TENM1: variants seen among roughly 807,000 people sequenced by gnomAD.
TENM1 encodes teneurin transmembrane protein 1.
In TENM1, 35 loss-of-function variants were observed where a neutral mutation model predicts 174.8. The observed-to-expected ratio is 0.20, with a 90% CI of 0.15 to 0.27. The LOEUF is 0.27. Among genes scored for constraint, TENM1 ranks in the 10% least tolerant of loss-of-function variants. The probability of loss-of-function intolerance (pLI) is 1.00; values close to 1 mark genes in which losing one functional copy is unlikely to be tolerated. For missense variants in TENM1, 1,633 were observed against 2,130.1 expected (o/e 0.77, Z 4.59); for synonymous variants, 781 against 798.7 (o/e 0.98, Z 0.37).
chrX:125,053,930 C>T, the TENM1 span, among the ~76,000 whole-genome samples: 2 of 111,566 alleles, frequency 1.8e-5, no homozygotes, highest in African/African-American at 6.5e-5. Context: ...CGCTCTAAAC[C>T]ACTATGCCAA....
the TENM1 span, among the ~76,000 whole-genome samples, chrX:125,066,117 A>C: frequency 1.2e-4 from 13 of 112,043 alleles, no homozygotes; most frequent in East Asian, 3.7e-3. Flanking sequence ...GGAATATATG[A>C]CTTAAAAAGA....
intron 25 of TENM1, among the ~76,000 whole-genome samples, chrX:124,410,217 A>C (rs1001204813): frequency 2.7e-5 from 3 of 111,575 alleles, no homozygotes; most frequent in African/African-American, 9.8e-5. Context: ...ATAATGCTGC[A>C]TATCTACAAC....
At chrX:124,664,180 C>G (rs986079880) in intron 6 of TENM1, among the ~76,000 whole-genome samples, 1 of 111,551 alleles carries the variant, frequency 9.0e-6, no homozygotes, top group African/African-American at 3.3e-5. Flanking sequence ...ATGAATTATT[C>G]CCAATTCTAC....
intron 11 of TENM1, among the ~76,000 whole-genome samples, chrX:124,635,293 A>C (rs2050853259): frequency 8.9e-6 from 1 of 112,314 alleles, no homozygotes; most frequent in Admixed American, 9.4e-5. Context: ...ATATACTGAT[A>C]TCTTTCTGAT....
At chrX:124,780,062 G>T (rs2054873877) in intron 3 of TENM1, among the ~76,000 whole-genome samples, 2 of 111,575 alleles carry the variant, frequency 1.8e-5, no homozygotes, top group Middle Eastern at 4.2e-3. Flanking sequence ...GTATAGATTA[G>T]GGATTAGGCT....
chrX:124,701,927 C>G (rs1445300557), intron 5 of TENM1, among the ~76,000 whole-genome samples: 2 of 111,512 alleles, frequency 1.8e-5, no homozygotes, highest in African/African-American at 6.5e-5. Flanking sequence ...GCGATTTCCC[C>G]TAGTGGATTG....
At chrX:125,047,912 AC>A in the TENM1 span, among the ~76,000 whole-genome samples, 1 of 111,339 alleles carries the variant, frequency 9.0e-6, no homozygotes, top group Non-Finnish European at 1.9e-5. Context: ...TAACTGGAAC[AC>A]ATACACTCAA....
chrX:124,440,445 G>A (rs1330616523), intron 23 of TENM1, among the ~76,000 whole-genome samples: 1 of 111,322 alleles, frequency 9.0e-6, no homozygotes, highest in African/African-American at 3.3e-5. Flanking sequence ...ATCAACAATT[G>A]GGTCATTTAT....
chrX:125,057,103 C>T, the TENM1 span, among the ~76,000 whole-genome samples: 1 of 111,587 alleles, frequency 9.0e-6, no homozygotes, highest in Non-Finnish European at 1.9e-5. Context: ...CAGCCTGAGT[C>T]GATTATTCCT....
the TENM1 span, among the ~76,000 whole-genome samples, chrX:125,139,881 G>C: frequency 7.2e-5 from 6 of 82,959 alleles, no homozygotes; most frequent in East Asian, 7.7e-4. Context: ...GAGAGAGAGA[G>C]AGAGAGAGAC....
At chrX:124,962,846 A>ACAAAT (rs2058675559) in intron 1 of TENM1, among the ~76,000 whole-genome samples, 1 of 110,899 alleles carries the variant, frequency 9.0e-6, no homozygotes, top group African/African-American at 3.3e-5. Flanking sequence ...ACAAAACAAA[A>ACAAAT]CAAAACAAAA....
intron 11 of TENM1, among the ~76,000 whole-genome samples, chrX:124,570,751 C>G (rs1186273057): frequency 9.0e-6 from 1 of 111,337 alleles, no homozygotes; most frequent in Non-Finnish European, 1.9e-5. Flanking sequence ...AATTTTAAAA[C>G]TAAGACTAAA....
intron 6 of TENM1, among the ~76,000 whole-genome samples, chrX:124,654,312 T>C (rs998058265): frequency 1.8e-5 from 2 of 112,775 alleles, no homozygotes; most frequent in Admixed American, 1.9e-4. Context: ...TACTTATTTA[T>C]TGTTTATTGT....
intron 3 of TENM1, among the ~76,000 whole-genome samples, chrX:124,776,362 T>C (rs929233729): frequency 8.9e-6 from 1 of 111,796 alleles, no homozygotes; most frequent in Non-Finnish European, 1.9e-5. Flanking sequence ...TAATAAATAA[T>C]TTTGGGGTGT....
At chrX:124,646,238 C>A (rs1396474985) in intron 9 of TENM1, among the ~76,000 whole-genome samples, 4 of 112,245 alleles carry the variant, frequency 3.6e-5, no homozygotes, top group Non-Finnish European at 7.5e-5. Context: ...ACTTTGTAGG[C>A]TCCTTACTCA....
intron 4 of TENM1, among the ~76,000 whole-genome samples, chrX:124,730,546 C>T: frequency 9.0e-6 from 1 of 111,323 alleles, no homozygotes. Context: ...TATAATAAGA[C>T]ACTTGGCCAG....
At chrX:124,753,810 G>A (rs1037416039) in intron 3 of TENM1, among the ~76,000 whole-genome samples, 3 of 111,599 alleles carry the variant, frequency 2.7e-5, no homozygotes, top group Admixed American at 1.9e-4. Flanking sequence ...TGCGTCTATC[G>A]AACCAGCCTT....
At chrX:125,159,500 C>T in the TENM1 span, among the ~76,000 whole-genome samples, 1 of 111,634 alleles carries the variant, frequency 9.0e-6, no homozygotes, top group East Asian at 2.8e-4. Flanking sequence ...AATAGATCAG[C>T]CCAGATGAAT....
intron 28 of TENM1, among the ~76,000 whole-genome samples, chrX:124,391,526 T>A (rs2060281771): frequency 9.0e-6 from 1 of 111,357 alleles, no homozygotes; most frequent in Non-Finnish European, 1.9e-5. Flanking sequence ...TACTGGAGAC[T>A]CAGTGTACAG....
Sources: allele counts gnomAD v4.1 joint callset (sites outside exome capture counted in the v4.1 genomes callset), GRCh38; gene constraint gnomAD v4.1.1; transcripts MANE v1.5; gene names NCBI Gene and HGNC (gene_info 2026-07-23, HGNC 2026-07-21).